Variants in CACNG5 observed in about 807,000 individuals in gnomAD.
The protein encoded by CACNG5 is calcium voltage-gated channel auxiliary subunit gamma 5.
CACNG5 carries 18 observed loss-of-function variants against 24.8 expected under a neutral mutation model. The ratio of observed to expected loss-of-function variants is 0.73; its 90% CI spans 0.50 to 1.08. The LOEUF (loss-of-function observed/expected upper bound fraction) is 1.08. Ranked by LOEUF, CACNG5 falls within the 50% of genes least tolerant of loss-of-function variation. The pLI, the probability that CACNG5 is intolerant of heterozygous loss-of-function variation, is 0.00. For synonymous variants in CACNG5, 157 were observed against 149.1 expected, an observed-to-expected ratio of 1.05 and a Z score of -0.39; for missense variants, 349 against 367.9, an observed-to-expected ratio of 0.95 and a Z score of 0.42.
chr17:66,838,520 G>A (rs762491654), intron 1 of CACNG5, among the ~76,000 whole-genome samples: 48 of 151,896 alleles, frequency 3.2e-4, no homozygotes, highest in Non-Finnish European at 5.4e-4. Flanking sequence ...CAGGGGGCTT[G>A]ATGATGTGGA....
Position 66,891,699 on chromosome 17 carries a change from C to T in CACNG5, c.*6459C>T, listed in dbSNP as rs954777887. 1.3e-5 allele frequency among the ~76,000 whole-genome samples: 2 copies of T among 152,166 alleles called. No homozygotes were observed. The highest frequency in any genetic ancestry group is 2.9e-5 in the Non-Finnish European group (2 of 68,034). On this transcript the variant is annotated 3_prime_UTR_variant, in exon 6 of 6. Transcript: ENST00000533854. ...CAACCTAGGTTTATAGAGAAGAGAA[C>T]GTAGATCCCACCATCTCAGATGTGA...
In CACNG5 at chr17:66,877,096, C is replaced by T. The variant is rs9898779; in HGVS notation, c.-103-134C>T. ...ATGCCAAGAACGCTCTGAATTGCTG[C>T]GGGGTTAGGGGGAGGGTGGCACCTC... On this transcript the variant is annotated intron_variant, in intron 1 of 5. Transcript: ENST00000533854. 1.6e-3 allele frequency: 799 copies of T among 493,550 alleles called. 5 individuals carry two copies. Among genetic ancestry groups the T allele is most frequent in the African/African-American group, 0.013 (674 of 51,818 alleles). 30.6% of individuals were successfully genotyped at this position (493,550 alleles called of 1,614,324 possible). A position where few individuals can be genotyped will look rare whatever the true frequency, so the allele number is the denominator to read the frequency against.
chr17:66,854,296 C>T (rs753336020), intron 1 of CACNG5, among the ~76,000 whole-genome samples: 25 of 151,230 alleles, frequency 1.7e-4, no homozygotes, highest in Middle Eastern at 3.4e-3. Context: ...GGCATGGTGG[C>T]GGGCACCTGT....
chr17:66,879,352 G>T (rs1047573379), intron 3 of CACNG5, among the ~76,000 whole-genome samples: 3 of 151,970 alleles, frequency 2.0e-5, no homozygotes, highest in Non-Finnish European at 4.4e-5. Flanking sequence ...TCTGCCCCCA[G>T]TATGAATTTG....
chr17:66,852,848 TC>T (rs1037168200), intron 1 of CACNG5, among the ~76,000 whole-genome samples: 1 of 136,156 alleles, frequency 7.3e-6, no homozygotes, highest in African/African-American at 2.7e-5. Flanking sequence ...CCCTTTTCCC[TC>T]CCTCCCTCCC....
At chr17:66,840,554 A>G (rs1338300902) in intron 1 of CACNG5, among the ~76,000 whole-genome samples, 1 of 152,162 alleles carries the variant, frequency 6.6e-6, no homozygotes, top group Non-Finnish European at 1.5e-5. Flanking sequence ...AAATCCAGAG[A>G]GCCTCAATGA....
intron 1 of CACNG5, among the ~76,000 whole-genome samples, chr17:66,870,910 G>T (rs959851010): frequency 5.9e-5 from 9 of 151,922 alleles, no homozygotes; most frequent in African/African-American, 9.7e-5. Flanking sequence ...AACCTGGGAG[G>T]CAGAGTTTGC....
chr17:66,849,703 C>T (rs1341936453), intron 1 of CACNG5, among the ~76,000 whole-genome samples: 1 of 152,194 alleles, frequency 6.6e-6, no homozygotes, highest in South Asian at 2.1e-4. Flanking sequence ...ATCACGCCAC[C>T]CACAATGTCA....
intron 4 of CACNG5, among the ~76,000 whole-genome samples, chr17:66,881,926 G>A (rs1316038513): frequency 6.6e-6 from 1 of 152,162 alleles, no homozygotes; most frequent in African/African-American, 2.4e-5. Context: ...AAGAGAGACT[G>A]GGGAAGGCAT....
At chr17:66,857,284 G>A (rs544076083) in intron 1 of CACNG5, among the ~76,000 whole-genome samples, 14 of 151,914 alleles carry the variant, frequency 9.2e-5, no homozygotes, top group Non-Finnish European at 1.3e-4. Flanking sequence ...AACCTCAAGC[G>A]ATCCTCCCAC....
Position 66,886,414 on chromosome 17 carries a change from A to C in CACNG5, c.*1174A>C, listed in dbSNP as rs2073636320. ...GCAAATCAGATTTTTCCAGAAGACC[A>C]GGCAGTGTGACACCCATTCTTCTGG... On this transcript the variant is annotated 3_prime_UTR_variant, in exon 6 of 6. Transcript: ENST00000533854. 6.6e-6 allele frequency among the ~76,000 whole-genome samples: 1 copy of C among 152,188 alleles called. No individual in the cohort carries two copies. Among genetic ancestry groups the C allele is most frequent in the African/African-American group, 2.4e-5 (1 of 41,440 alleles).
At chr17:66,843,528 G>T (rs1469107324) in intron 1 of CACNG5, among the ~76,000 whole-genome samples, 1 of 152,210 alleles carries the variant, frequency 6.6e-6, no homozygotes, top group Admixed American at 6.5e-5. Context: ...TTACCAGGAG[G>T]TAGATGTGGT....
chr17:66,855,744 G>A (rs543944631), intron 1 of CACNG5, among the ~76,000 whole-genome samples: 4 of 152,200 alleles, frequency 2.6e-5, no homozygotes, highest in South Asian at 2.1e-4. Flanking sequence ...TGATCTGCCC[G>A]CCTTGGCCTC....
At position 66,887,501 on chromosome 17, in the gene CACNG5, C is replaced by T. The variant is rs9914277; in HGVS notation, c.*2261C>T. Reference sequence around the variant, plus strand: ...AATACCAAAACCATGTTCTCCTCACCGCAAAGTAAAGGAATCAGTTTTTGT... The same window carrying T: ...AATACCAAAACCATGTTCTCCTCACTGCAAAGTAAAGGAATCAGTTTTTGT... On this transcript the variant is annotated 3_prime_UTR_variant, in exon 6 of 6. Coordinates refer to ENST00000533854, the MANE Select transcript of CACNG5 (RefSeq NM_145811.3). Among the ~76,000 whole-genome samples the T allele has an allele frequency of 0.05, 7,669 of 152,204 alleles. 648 individuals carry two copies. Among genetic ancestry groups the T allele is most frequent in the African/African-American group, 0.18 (7,279 of 41,486 alleles).
intron 1 of CACNG5, among the ~76,000 whole-genome samples, chr17:66,852,294 T>A (rs1305114244): frequency 6.6e-6 from 1 of 152,186 alleles, no homozygotes; most frequent in Non-Finnish European, 1.5e-5. Context: ...GCCACAGTGC[T>A]GTTATACCTG....
rs1202567778 is a variant in CACNG5, at chr17:66,889,946, A to G, written c.*4706A>G. Among the ~76,000 whole-genome samples the G allele has an allele frequency of 6.6e-6, 1 of 152,200 alleles. No homozygotes were observed. Among genetic ancestry groups the G allele is most frequent in the Non-Finnish European group, 1.5e-5 (1 of 68,036 alleles). On this transcript the variant is annotated 3_prime_UTR_variant, in exon 6 of 6. Coordinates refer to ENST00000533854, the MANE Select transcript of CACNG5 (RefSeq NM_145811.3). ...GGACAGCGGAGGCCGGGGGAGCCAC[A>G]TTCCACCTAAGGCCTGAGCAAATTG...
At chr17:66,879,307 C>T (rs888974920) in intron 3 of CACNG5, among the ~76,000 whole-genome samples, 11 of 152,204 alleles carry the variant, frequency 7.2e-5, no homozygotes, top group Non-Finnish European at 1.2e-4. Flanking sequence ...CCCCAGGGAG[C>T]CTGACTTCAT....
intron 1 of CACNG5, among the ~76,000 whole-genome samples, chr17:66,851,715 A>G (rs1406525970): frequency 2.0e-5 from 3 of 152,200 alleles, no homozygotes; most frequent in African/African-American, 7.2e-5. Context: ...GAGAGAGAAA[A>G]CACAAACAAT....
intron 1 of CACNG5, among the ~76,000 whole-genome samples, chr17:66,835,507 T>C (rs1313385252): frequency 6.6e-6 from 1 of 152,182 alleles, no homozygotes; most frequent in East Asian, 1.9e-4. Context: ...GGGGAGATGA[T>C]GACGCCCCCT....
Sources: allele counts gnomAD v4.1 joint callset (sites outside exome capture counted in the v4.1 genomes callset), GRCh38; gene constraint gnomAD v4.1.1; transcripts MANE v1.5; gene names NCBI Gene and HGNC (gene_info 2026-07-23, HGNC 2026-07-21).